Variants in KCNG3 observed in about 807,000 individuals in gnomAD.
KCNG3 encodes the protein potassium voltage-gated channel modifier subfamily G member 3.
In KCNG3, 15 loss-of-function variants were observed where a neutral mutation model predicts 29.0. That is an observed-to-expected ratio of 0.52 (90% CI 0.35 to 0.80). The LOEUF is 0.80. Among genes scored for constraint, KCNG3 ranks in the 30% least tolerant of loss-of-function variants. The pLI is 0.01. For synonymous variants in KCNG3, 322 were observed against 248.9 expected (o/e 1.29, Z -2.76); for missense variants, 512 against 605.7 (o/e 0.85, Z 1.62).
At chr2:42,395,258 T>C in the KCNG3 span, among the ~76,000 whole-genome samples, 1 of 152,132 alleles carries the variant, frequency 6.6e-6, no homozygotes, top group African/African-American at 2.4e-5. Context: ...GTCCATGATT[T>C]AGGCAGTTCC....
At chr2:42,477,204 G>GA (rs570032713) in intron 1 of KCNG3, among the ~76,000 whole-genome samples, 5 of 129,610 alleles carry the variant, frequency 3.9e-5, no homozygotes, top group African/African-American at 1.1e-4. Context: ...AAAAAAAAAA[G>GA]AAAAAAAAAA....
chr2:42,477,134 G>A lies in KCNG3; in HGVS notation c.665+15703C>T, dbSNP rs541581085. On this transcript the variant is annotated intron_variant, in intron 1 of 1. Coordinates refer to ENST00000306078, the MANE Select transcript of KCNG3 (RefSeq NM_133329.6). Reference sequence around the variant, plus strand: ...GTGAACCCGGGAGGCGGAGGTTGCAGGGAGCTGAGATTACGCCACTGCACT... The same window carrying A: ...GTGAACCCGGGAGGCGGAGGTTGCAAGGAGCTGAGATTACGCCACTGCACT... Among the ~76,000 whole-genome samples, 3 of 150,216 alleles carry A rather than the reference G, an allele frequency of 2.0e-5. No individual in the cohort carries two copies. The South Asian group carries it at 6.4e-4, about 32-fold the overall frequency.
At chr2:42,388,941 G>A in the KCNG3 span, among the ~76,000 whole-genome samples, 1 of 151,844 alleles carries the variant, frequency 6.6e-6, no homozygotes, top group Admixed American at 6.6e-5. Flanking sequence ...TATTTGAGAG[G>A]GAGTCTCGCC....
chr2:42,408,553 G>C, the KCNG3 span, among the ~76,000 whole-genome samples: 1 of 152,030 alleles, frequency 6.6e-6, no homozygotes. Flanking sequence ...TCCCACCCCA[G>C]GGTCTCCTCT....
chr2:42,411,365 C>A, the KCNG3 span, among the ~76,000 whole-genome samples: 1 of 152,124 alleles, frequency 6.6e-6, no homozygotes, highest in African/African-American at 2.4e-5. Flanking sequence ...AGTTAGAGAA[C>A]TGAAGTCTTT....
intron 1 of KCNG3, among the ~76,000 whole-genome samples, chr2:42,467,130 G>A (rs555712197): frequency 1.3e-5 from 2 of 152,068 alleles, no homozygotes; most frequent in South Asian, 2.1e-4. Flanking sequence ...TAGGTGAAAT[G>A]GACAATTTCC....
intron 1 of KCNG3, among the ~76,000 whole-genome samples, chr2:42,479,836 C>T (rs1277149990): frequency 1.3e-5 from 2 of 152,048 alleles, no homozygotes; most frequent in Non-Finnish European, 1.5e-5. Context: ...CATGGTGAAA[C>T]CCTGTCTCTA....
chr2:42,465,827 A>G (rs1274134795), intron 1 of KCNG3, among the ~76,000 whole-genome samples: 1 of 152,188 alleles, frequency 6.6e-6, no homozygotes, highest in East Asian at 1.9e-4. Flanking sequence ...GTGGACAAAC[A>G]TTTCACATAA....
intron 1 of KCNG3, among the ~76,000 whole-genome samples, chr2:42,482,165 C>G (rs917322488): frequency 6.6e-6 from 1 of 152,200 alleles, no homozygotes; most frequent in Non-Finnish European, 1.5e-5. Flanking sequence ...TTATTCACTG[C>G]TATATCCCCA....
At chr2:42,451,062 G>A in intron 1 of KCNG3, among the ~76,000 whole-genome samples, 1 of 151,544 alleles carries the variant, frequency 6.6e-6, no homozygotes, top group South Asian at 2.1e-4. Flanking sequence ...AAAATTAGCT[G>A]GGCATGGTGG....
At position 42,492,902 on chromosome 2, in the gene KCNG3, G is replaced by A. The variant is rs1296266196; in HGVS notation, c.600C>T (p.Ala200=). 6 of 1,569,766 alleles carry A rather than the reference G, an allele frequency of 3.8e-6. No homozygotes were observed. In the Admixed American group the frequency reaches 1.1e-4, roughly 30 times the overall value. Residue 200 remains alanine, a synonymous_variant, in exon 1 of 2, where the codon GCC becomes GCT. Transcript: ENST00000306078. ...ASTLPDWRNA[A]ADNRSLDDRS... ...GGTCATCCAGGCTGCGGTTGTCGGC[G>A]GCTGCGTTGCGCCAGTCGGGCAACG...
the KCNG3 span, among the ~76,000 whole-genome samples, chr2:42,398,871 GAA>G: frequency 6.6e-6 from 1 of 152,068 alleles, no homozygotes; most frequent in South Asian, 2.1e-4. Context: ...TTACTGACTC[GAA>G]GAGAGACACC....
At chr2:42,398,067 C>G in the KCNG3 span, among the ~76,000 whole-genome samples, 2 of 151,766 alleles carry the variant, frequency 1.3e-5, no homozygotes, top group Non-Finnish European at 2.9e-5. Context: ...ACTAGAAATA[C>G]AAAAAATTAG....
At chr2:42,400,173 G>A in the KCNG3 span, among the ~76,000 whole-genome samples, 17 of 152,062 alleles carry the variant, frequency 1.1e-4, no homozygotes, top group Admixed American at 5.9e-4. Context: ...CTGTCCAATA[G>A]GTCCACTTCA....
At chr2:42,399,529 CATTT>C in the KCNG3 span, among the ~76,000 whole-genome samples, 309 of 152,130 alleles carry the variant, frequency 2.0e-3, 2 homozygotes, top group African/African-American at 7.1e-3. Flanking sequence ...TCCCATGCAG[CATTT>C]ATTTATTTAT....
chr2:42,488,818 G>A (rs1673799009), intron 1 of KCNG3, among the ~76,000 whole-genome samples: 1 of 151,928 alleles, frequency 6.6e-6, no homozygotes. Flanking sequence ...CCAAAGTGCT[G>A]GAATTACAGG....
At chr2:42,419,489 G>A in the KCNG3 span, among the ~76,000 whole-genome samples, 58 of 151,912 alleles carry the variant, frequency 3.8e-4, no homozygotes, top group East Asian at 0.011. Flanking sequence ...TGATCTCCCC[G>A]CCTCGGCCTC....
At chr2:42,453,086 T>A (rs1159734400) in intron 1 of KCNG3, among the ~76,000 whole-genome samples, 1 of 152,154 alleles carries the variant, frequency 6.6e-6, no homozygotes, top group Non-Finnish European at 1.5e-5. Context: ...CTGGCCACAT[T>A]CATTTGTTGA....
chr2:42,423,121 A>G, the KCNG3 span, among the ~76,000 whole-genome samples: 1 of 152,098 alleles, frequency 6.6e-6, no homozygotes, highest in Non-Finnish European at 1.5e-5. Context: ...TGATATTTCC[A>G]TTTGGATACT....
Sources: allele counts gnomAD v4.1 joint callset (sites outside exome capture counted in the v4.1 genomes callset), GRCh38; gene constraint gnomAD v4.1.1; transcripts MANE v1.5; gene names NCBI Gene and HGNC (gene_info 2026-07-23, HGNC 2026-07-21).